The following GPC6 variants were observed in gnomAD, a reference collection of about 807,000 sequenced individuals.
GPC6 encodes the protein glypican-6.
GPC6 carries 14 observed loss-of-function variants against 55.2 expected under a neutral mutation model. The observed-to-expected ratio is 0.25, with a 90% CI of 0.17 to 0.40. The LOEUF (loss-of-function observed/expected upper bound fraction) is 0.40, where lower values mean the gene tolerates loss of function less well. Ranked by LOEUF, GPC6 falls within the 10% of genes least tolerant of loss-of-function variation. GPC6 has a pLI of 1.00. For missense variants in GPC6, 641 were observed against 708.5 expected (o/e 0.90, Z 1.08); for synonymous variants, 278 against 259.6 (o/e 1.07, Z -0.68).
chr13:93,941,392 A>T (rs1348297945), intron 3 of GPC6, among the ~76,000 whole-genome samples: 2 of 152,176 alleles, frequency 1.3e-5, no homozygotes, highest in African/African-American at 4.8e-5. Context: ...TAACTCAAAA[A>T]TTCACTGATA....
intron 2 of GPC6, among the ~76,000 whole-genome samples, chr13:93,645,565 A>T (rs903635589): frequency 3.3e-5 from 5 of 152,138 alleles, no homozygotes; most frequent in African/African-American, 1.2e-4. Context: ...CACGAAACAA[A>T]AACTGTTCCT....
At chr13:93,343,267 A>G (rs1410621442) in intron 1 of GPC6, among the ~76,000 whole-genome samples, 1 of 152,144 alleles carries the variant, frequency 6.6e-6, no homozygotes, top group Admixed American at 6.5e-5. Context: ...AAGGAGATAT[A>G]GTATATGGAT....
intron 4 of GPC6, among the ~76,000 whole-genome samples, chr13:94,119,679 C>G (rs1886557372): frequency 6.6e-6 from 1 of 152,078 alleles, no homozygotes; most frequent in Non-Finnish European, 1.5e-5. Flanking sequence ...TGCAAGGACA[C>G]CAGTGTGGCT....
chr13:93,272,525 A>T (rs1178795782), intron 1 of GPC6, among the ~76,000 whole-genome samples: 1 of 136,972 alleles, frequency 7.3e-6, no homozygotes, highest in African/African-American at 2.8e-5. Flanking sequence ...TATATAACTT[A>T]GAAAATGTTT....
chr13:94,297,840 G>A (rs1013485982), intron 5 of GPC6, among the ~76,000 whole-genome samples: 1 of 152,116 alleles, frequency 6.6e-6, no homozygotes, highest in Non-Finnish European at 1.5e-5. Context: ...CATAGAGTTT[G>A]CCAGAGAACT....
chr13:93,415,820 T>C (rs1185440390), intron 1 of GPC6, among the ~76,000 whole-genome samples: 1 of 152,142 alleles, frequency 6.6e-6, no homozygotes, highest in East Asian at 1.9e-4. Flanking sequence ...TTTCCAACTT[T>C]TCTATTGGTA....
chr13:93,216,734 G>A, the GPC6 span, among the ~76,000 whole-genome samples: 1 of 152,248 alleles, frequency 6.6e-6, no homozygotes, highest in Non-Finnish European at 1.5e-5. Flanking sequence ...TGGGAAAAAA[G>A]AACTCTCTCT....
intron 4 of GPC6, among the ~76,000 whole-genome samples, chr13:94,074,137 A>G (rs9589892): frequency 0.028 from 4,277 of 152,300 alleles, 205 homozygotes; most frequent in African/African-American, 0.098. Context: ...GCATAAAAAC[A>G]TCATACTTTA....
At chr13:94,276,474 A>ATT (rs113131169) in intron 4 of GPC6, among the ~76,000 whole-genome samples, 1 of 151,316 alleles carries the variant, frequency 6.6e-6, no homozygotes, top group Non-Finnish European at 1.5e-5. Flanking sequence ...TCTCATTTTT[A>ATT]TTTTTATTTT....
chr13:94,167,747 G>A (rs540939140), intron 4 of GPC6, among the ~76,000 whole-genome samples: 2 of 152,226 alleles, frequency 1.3e-5, no homozygotes, highest in Admixed American at 6.5e-5. Context: ...GCAAAATAGC[G>A]GGTATGAGGG....
At chr13:93,797,638 A>C (rs1254354609) in intron 2 of GPC6, among the ~76,000 whole-genome samples, 1 of 152,208 alleles carries the variant, frequency 6.6e-6, no homozygotes. Flanking sequence ...CTTGGGGTAT[A>C]TGTGAGTCAT....
At chr13:93,961,499 T>C (rs1879772310) in intron 3 of GPC6, among the ~76,000 whole-genome samples, 1 of 152,232 alleles carries the variant, frequency 6.6e-6, no homozygotes, top group Non-Finnish European at 1.5e-5. Flanking sequence ...AAAGTTGAAA[T>C]ATATTTCCAA....
rs543404599 is a variant in GPC6, at chr13:94,138,414, T to G, written c.877+110520T>G. Among the ~76,000 whole-genome samples the G allele has an allele frequency of 3.5e-4, 54 of 152,336 alleles. No individual in the cohort carries two copies. In the South Asian group the frequency reaches 6.8e-3, roughly 19 times the overall value. On this transcript the variant is annotated intron_variant, in intron 4 of 8. Transcript: ENST00000377047. ...ATATCTCAAAGAACTTCCATTCCTG[T>G]AATCGTTCCAGTCGTCTTTATACTT... is the stretch of plus-strand genomic sequence containing the variant.
chr13:93,643,457 T>C (rs946506013), intron 2 of GPC6, among the ~76,000 whole-genome samples: 6 of 152,080 alleles, frequency 3.9e-5, no homozygotes, highest in Non-Finnish European at 8.8e-5. Flanking sequence ...CCCAAAGAAG[T>C]GGCCAAAGCT....
At chr13:94,361,340 A>C (rs1247583718) in intron 6 of GPC6, among the ~76,000 whole-genome samples, 1 of 152,238 alleles carries the variant, frequency 6.6e-6, no homozygotes, top group Non-Finnish European at 1.5e-5. Context: ...GACACTCTGT[A>C]GTTGCCACGT....
chr13:93,705,642 A>G (rs1184760333), intron 2 of GPC6, among the ~76,000 whole-genome samples: 2 of 151,744 alleles, frequency 1.3e-5, no homozygotes, highest in Non-Finnish European at 2.9e-5. Flanking sequence ...TGTTTCAGAT[A>G]GTTAATGGAT....
chr13:93,988,669 C>G (rs1881147174), intron 3 of GPC6, among the ~76,000 whole-genome samples: 1 of 151,984 alleles, frequency 6.6e-6, no homozygotes, highest in Non-Finnish European at 1.5e-5. Flanking sequence ...GCACTAATCC[C>G]ACTCATGAGA....
intron 2 of GPC6, among the ~76,000 whole-genome samples, chr13:93,648,183 T>C (rs557425648): frequency 6.6e-6 from 1 of 152,264 alleles, no homozygotes; most frequent in South Asian, 2.1e-4. Flanking sequence ...GATTTCCCTC[T>C]CTTGAGACTA....
At chr13:93,281,351 A>G (rs1594071046) in intron 1 of GPC6, among the ~76,000 whole-genome samples, 1 of 152,222 alleles carries the variant, frequency 6.6e-6, no homozygotes, top group Admixed American at 6.5e-5. Flanking sequence ...TTCCTGATTC[A>G]TAGATTGCCA....
Sources: gnomAD v4.1 joint callset for allele counts (sites outside exome capture counted in the v4.1 genomes callset) on GRCh38, gnomAD v4.1.1 for gene constraint, MANE v1.5 for transcripts, NCBI Gene and HGNC (gene_info 2026-07-23, HGNC 2026-07-21) for gene names.